Variants in PLXNA2 observed in about 807,000 individuals in gnomAD.
PLXNA2 encodes the protein plexin A2.
A neutral mutation model predicts 193.5 loss-of-function variants in PLXNA2; 91 were observed. The observed-to-expected ratio is 0.47, with a 90% CI of 0.40 to 0.56. PLXNA2 has a LOEUF of 0.56. Among genes scored for constraint, PLXNA2 ranks in the 20% least tolerant of loss-of-function variants. The pLI, the probability that PLXNA2 is intolerant of heterozygous loss-of-function variation, is 0.00. For missense variants in PLXNA2, 1,995 were observed against 2,503.2 expected, an observed-to-expected ratio of 0.80 and a Z score of 4.33; for synonymous variants, 997 against 1,027.3, an observed-to-expected ratio of 0.97 and a Z score of 0.56.
In PLXNA2 at chr1:208,022,991, C is replaced by T. The variant is rs1190328273; in HGVS notation, c.*4252G>A. The T allele has an allele frequency of 6.6e-6, 1 of 152,170 alleles. No individual in the cohort carries two copies. The highest frequency in any genetic ancestry group is 1.5e-5 in the Non-Finnish European group (1 of 68,042). 9.4% of individuals were successfully genotyped at this position (152,170 alleles called of 1,614,324 possible). A position where few individuals can be genotyped will look rare whatever the true frequency, so the allele number is the denominator to read the frequency against. Reference sequence around the variant, plus strand: ...AACTTTATCCCTCATTCATGGGGATCACTGAGCTCCAGATACTAAAACGTC... The same window carrying T: ...AACTTTATCCCTCATTCATGGGGATTACTGAGCTCCAGATACTAAAACGTC... On this transcript the variant is annotated 3_prime_UTR_variant, in exon 32 of 32. Transcript: ENST00000367033.
intron 29 of PLXNA2, chr1:208,030,719 C>T: frequency 1.0e-6 from 1 of 985,482 alleles, no homozygotes; most frequent in Non-Finnish European, 1.2e-6. Flanking sequence ...GAGGAGACCG[C>T]TAACTCCAGA....
At chr1:208,155,961 C>G (rs1298225561) in intron 3 of PLXNA2, among the ~76,000 whole-genome samples, 28 of 152,198 alleles carry the variant, frequency 1.8e-4, no homozygotes, top group Admixed American at 1.8e-3. Context: ...ACACCAGGAC[C>G]TCCCCATGAA....
chr1:208,161,139 T>C (rs1237415380), intron 3 of PLXNA2, among the ~76,000 whole-genome samples: 2 of 152,198 alleles, frequency 1.3e-5, no homozygotes, highest in African/African-American at 4.8e-5. Context: ...TCAGGGTTGA[T>C]TAGTTGGGCT....
At chr1:208,202,451 G>A (rs907147451) in intron 3 of PLXNA2, among the ~76,000 whole-genome samples, 6 of 152,122 alleles carry the variant, frequency 3.9e-5, no homozygotes, top group Middle Eastern at 3.2e-3. Context: ...GGAAATTAAA[G>A]CTCAGAGGTC....
intron 1 of PLXNA2, among the ~76,000 whole-genome samples, chr1:208,243,421 G>C (rs1209343535): frequency 6.6e-6 from 1 of 151,974 alleles, no homozygotes; most frequent in Admixed American, 6.6e-5. Context: ...CTCGGCGGGA[G>C]GCAGCGGCTC....
intron 3 of PLXNA2, among the ~76,000 whole-genome samples, chr1:208,194,908 G>T (rs1280056708): frequency 6.6e-6 from 1 of 152,210 alleles, no homozygotes; most frequent in African/African-American, 2.4e-5. Context: ...TGTCCTATGT[G>T]ACTTGCTTGT....
chr1:208,205,263 A>T (rs1486230175), intron 3 of PLXNA2, among the ~76,000 whole-genome samples: 2 of 152,074 alleles, frequency 1.3e-5, no homozygotes, highest in Non-Finnish European at 2.9e-5. Context: ...CTCCATCTCC[A>T]TCTGCTTTGG....
intron 3 of PLXNA2, among the ~76,000 whole-genome samples, chr1:208,153,361 G>C (rs1386762766): frequency 3.3e-5 from 5 of 152,156 alleles, no homozygotes; most frequent in Admixed American, 1.3e-4. Context: ...GTAGGCAAAA[G>C]AGCCAGGATC....
At chr1:208,089,076 G>T (rs913182504) in intron 9 of PLXNA2, among the ~76,000 whole-genome samples, 2 of 152,064 alleles carry the variant, frequency 1.3e-5, no homozygotes, top group African/African-American at 4.8e-5. Context: ...TTTTTGAATT[G>T]CATTCGTTCT....
chr1:208,225,099 C>T (rs997889865), intron 1 of PLXNA2, among the ~76,000 whole-genome samples: 4 of 152,018 alleles, frequency 2.6e-5, no homozygotes, highest in African/African-American at 9.7e-5. Flanking sequence ...TACATATGTG[C>T]GTGACAGTGA....
chr1:208,190,845 T>C (rs1247123870), intron 3 of PLXNA2, among the ~76,000 whole-genome samples: 1 of 152,228 alleles, frequency 6.6e-6, no homozygotes, highest in Non-Finnish European at 1.5e-5. Flanking sequence ...TAAATAATTG[T>C]ATGAATGAAC....
chr1:208,176,971 C>T (rs1669679071), intron 3 of PLXNA2, among the ~76,000 whole-genome samples: 2 of 152,008 alleles, frequency 1.3e-5, no homozygotes. Flanking sequence ...ACTGCTTTGG[C>T]TGCTGCTAGG....
chr1:208,072,644 T>C (rs1374846092), intron 12 of PLXNA2, among the ~76,000 whole-genome samples: 3 of 152,160 alleles, frequency 2.0e-5, no homozygotes, highest in Admixed American at 1.3e-4. Flanking sequence ...CTGAGTGTGA[T>C]AGCTTCAAGA....
Position 208,216,772 on chromosome 1 carries a change from T to A in PLXNA2, c.1151A>T (p.Asn384Ile). The change falls in exon 2 of 32, where the codon AAC becomes ATC. Residue 384 changes from asparagine (N) to isoleucine (I), a missense_variant. Around this residue, in one of 3 missense-constraint regions of PLXNA2, gnomAD observed 702 missense variants for 812.9 expected, o/e 0.86. Coordinates refer to ENST00000367033, the MANE Select transcript of PLXNA2 (RefSeq NM_025179.4). Reference sequence around the variant, plus strand: ...CTGGACGTCCTTCCCCAGCAGCCAGTTGAGCTCCAGGTTGCCCTCGCCCTG... The same window carrying A: ...CTGGACGTCCTTCCCCAGCAGCCAGATGAGCTCCAGGTTGCCCTCGCCCTG... ...CYQGEGNLEL[N>I]WLLGKDVQCT... 6.2e-7 allele frequency: 1 copy of A among 1,613,930 alleles called. No individual in the cohort carries two copies. The highest frequency in any genetic ancestry group is 8.5e-7 in the Non-Finnish European group (1 of 1,180,006).
intron 3 of PLXNA2, among the ~76,000 whole-genome samples, chr1:208,194,352 C>T (rs1172402089): frequency 6.6e-6 from 1 of 151,530 alleles, no homozygotes; most frequent in Non-Finnish European, 1.5e-5. Flanking sequence ...ATGCAGCCCA[C>T]CCGATGTATG....
At chr1:208,093,702 T>G (rs978916060) in intron 8 of PLXNA2, among the ~76,000 whole-genome samples, 12 of 152,220 alleles carry the variant, frequency 7.9e-5, no homozygotes, top group African/African-American at 2.9e-4. Context: ...CCCCCAGGCA[T>G]GGAACAGTAG....
In PLXNA2 at chr1:208,244,278, C is replaced by A; in HGVS notation, c.-716G>T. On this transcript the variant is annotated 5_prime_UTR_variant, in exon 1 of 32. Coordinates refer to ENST00000367033, the MANE Select transcript of PLXNA2 (RefSeq NM_025179.4). ...GCTCCAGTCTGGCGCGGATGCCGCT[C>A]CTCCCGGCAGCTCTGGCTCCCGCGG... The A allele has an allele frequency of 1.0e-5, 2 of 195,382 alleles. No homozygotes were observed. Among genetic ancestry groups the A allele is most frequent in the South Asian group, 1.7e-4 (2 of 12,020 alleles). 12.1% of individuals were successfully genotyped at this position (195,382 alleles called of 1,614,324 possible). A position where few individuals can be genotyped will look rare whatever the true frequency, so the allele number is the denominator to read the frequency against.
At chr1:208,030,168 G>A in intron 29 of PLXNA2, 1 of 985,550 alleles carries the variant, frequency 1.0e-6, no homozygotes, top group Non-Finnish European at 1.2e-6. Flanking sequence ...GGGAGAAGCT[G>A]CTGCAGCTGA....
At chr1:208,241,505 G>A (rs988397641) in intron 1 of PLXNA2, among the ~76,000 whole-genome samples, 1 of 152,192 alleles carries the variant, frequency 6.6e-6, no homozygotes, top group Non-Finnish European at 1.5e-5. Flanking sequence ...GGCTTTGAGG[G>A]ACCCCTGTCC....
Sources: allele counts gnomAD v4.1 joint callset (sites outside exome capture counted in the v4.1 genomes callset), GRCh38; gene constraint gnomAD v4.1.1; regional missense constraint gnomAD v4.1.1; transcripts MANE v1.5; gene names NCBI Gene and HGNC (gene_info 2026-07-23, HGNC 2026-07-21).